The following ADGRB3 variants were observed in gnomAD, a reference collection of about 807,000 sequenced individuals.
ADGRB3 encodes the protein adhesion G protein-coupled receptor B3, also known as brain-specific angiogenesis inhibitor 3.
Under a neutral mutation model 193.4 loss-of-function variants are expected in ADGRB3, and 37 were observed. The ratio of observed to expected loss-of-function variants is 0.19; its 90% confidence interval spans 0.15 to 0.25. ADGRB3 has a LOEUF of 0.25. ADGRB3 is among the 10% of genes least tolerant of loss of function. The pLI is 1.00. For missense variants in ADGRB3, 1,637 were observed against 1,852.9 expected (o/e 0.88, Z 2.14); for synonymous variants, 690 against 644.2 (o/e 1.07, Z -1.08).
intron 8 of ADGRB3, among the ~76,000 whole-genome samples, chr6:68,968,704 CGTT>C (rs1424450315): frequency 3.9e-5 from 6 of 152,006 alleles, no homozygotes; most frequent in Admixed American, 2.6e-4. Flanking sequence ...ACGGACGAGT[CGTT>C]GTATCTAGAA....
At chr6:68,654,700 T>A (rs1768451348) in intron 3 of ADGRB3, among the ~76,000 whole-genome samples, 1 of 151,920 alleles carries the variant, frequency 6.6e-6, no homozygotes, top group African/African-American at 2.4e-5. Context: ...TGAGAATATA[T>A]TCCCTGTTAA....
chr6:69,168,764 T>C (rs1775195752), intron 17 of ADGRB3, among the ~76,000 whole-genome samples: 1 of 152,138 alleles, frequency 6.6e-6, no homozygotes, highest in South Asian at 2.1e-4. Context: ...ATTACTCATA[T>C]CATACCAAAT....
At chr6:68,841,258 A>G (rs1160067550) in intron 3 of ADGRB3, among the ~76,000 whole-genome samples, 2 of 152,194 alleles carry the variant, frequency 1.3e-5, no homozygotes, top group African/African-American at 2.4e-5. Flanking sequence ...TGGACCTAAT[A>G]GATATTTACA....
chr6:69,005,912 T>C (rs146138467), intron 11 of ADGRB3, among the ~76,000 whole-genome samples: 18 of 152,320 alleles, frequency 1.2e-4, no homozygotes, highest in African/African-American at 3.8e-4. Context: ...TCCTGTATTA[T>C]AATATTCTGC....
At position 68,960,101 on chromosome 6, in the gene ADGRB3, C is replaced by T. The variant is rs575797186; in HGVS notation, c.1525+3292C>T. ...TTCGTAGGAACCACTTTGCCCTGCT[C>T]CCAGGAGAAGGGCTTGCTACTTCTA... On this transcript the variant is annotated intron_variant, in intron 8 of 31. Transcript: ENST00000370598. 2.0e-5 allele frequency among the ~76,000 whole-genome samples: 3 copies of T among 152,240 alleles called. No homozygotes were observed. In the South Asian group the frequency reaches 6.2e-4, roughly 32 times the overall value.
intron 3 of ADGRB3, among the ~76,000 whole-genome samples, chr6:68,868,065 A>G (rs886535630): frequency 3.9e-5 from 6 of 152,146 alleles, no homozygotes; most frequent in Non-Finnish European, 8.8e-5. Context: ...AAATGTGAGA[A>G]GGACATGAGA....
chr6:68,863,816 T>A (rs553746072), intron 3 of ADGRB3, among the ~76,000 whole-genome samples: 71 of 152,262 alleles, frequency 4.7e-4, no homozygotes, highest in African/African-American at 1.6e-3. Context: ...AATCATGCCT[T>A]TCTTAAAAGG....
intron 17 of ADGRB3, among the ~76,000 whole-genome samples, chr6:69,213,322 C>G (rs1765707453): frequency 6.6e-6 from 1 of 152,148 alleles, no homozygotes; most frequent in Admixed American, 6.5e-5. Flanking sequence ...TTCCCTGGTT[C>G]CAAAGATGCT....
intron 17 of ADGRB3, among the ~76,000 whole-genome samples, chr6:69,192,188 T>A (rs1010518645): frequency 7.9e-5 from 12 of 152,154 alleles, no homozygotes; most frequent in Non-Finnish European, 2.9e-5. Context: ...GGAAGCCAGT[T>A]GGAGATCCGA....
intron 3 of ADGRB3, among the ~76,000 whole-genome samples, chr6:68,794,150 C>T (rs1351545005): frequency 2.6e-5 from 4 of 151,944 alleles, no homozygotes; most frequent in South Asian, 2.1e-4. Flanking sequence ...CATTGGAGCT[C>T]GTAGTAAATA....
chr6:69,209,780 A>T (rs1041129220), intron 17 of ADGRB3, among the ~76,000 whole-genome samples: 1 of 152,188 alleles, frequency 6.6e-6, no homozygotes, highest in Non-Finnish European at 1.5e-5. Flanking sequence ...TTGGTTCTCC[A>T]CATATGGTCA....
chr6:68,795,726 T>C (rs1241088406), intron 3 of ADGRB3, among the ~76,000 whole-genome samples: 1 of 152,140 alleles, frequency 6.6e-6, no homozygotes, highest in Non-Finnish European at 1.5e-5. Context: ...TGTTCATGAA[T>C]GGGATTGAAG....
chr6:69,297,410 C>CTCTCTATA (rs1554192101), intron 20 of ADGRB3, among the ~76,000 whole-genome samples: 17 of 128,296 alleles, frequency 1.3e-4, no homozygotes, highest in African/African-American at 5.1e-4. Context: ...CTCTCTCTCT[C>CTCTCTATA]TATATATATA....
chr6:68,882,358 A>T (rs1473735365), intron 3 of ADGRB3, among the ~76,000 whole-genome samples: 1 of 152,196 alleles, frequency 6.6e-6, no homozygotes, highest in African/African-American at 2.4e-5. Context: ...ATAACATTTA[A>T]ACCACAGGAT....
intron 6 of ADGRB3, among the ~76,000 whole-genome samples, chr6:68,955,451 CTT>C (rs1324789804): frequency 6.6e-6 from 1 of 152,184 alleles, no homozygotes; most frequent in Non-Finnish European, 1.5e-5. Flanking sequence ...TGTATTGCAT[CTT>C]TGAGTGATCA....
intron 3 of ADGRB3, among the ~76,000 whole-genome samples, chr6:68,738,619 A>G (rs1314235566): frequency 6.6e-6 from 1 of 152,202 alleles, no homozygotes; most frequent in Admixed American, 6.6e-5. Flanking sequence ...TTCCTAAAGT[A>G]TAAAATATGA....
chr6:68,918,661 C>T (rs938496860), intron 3 of ADGRB3, among the ~76,000 whole-genome samples: 1 of 152,150 alleles, frequency 6.6e-6, no homozygotes, highest in African/African-American at 2.4e-5. Flanking sequence ...TTCTTTGAGG[C>T]AGGGGTTGCA....
At chr6:69,160,320 C>T (rs571373188) in intron 17 of ADGRB3, among the ~76,000 whole-genome samples, 14 of 152,146 alleles carry the variant, frequency 9.2e-5, no homozygotes, top group Non-Finnish European at 2.1e-4. Flanking sequence ...TCATCTCTGC[C>T]CTCATGTGCT....
intron 15 of ADGRB3, among the ~76,000 whole-genome samples, chr6:69,058,257 T>G (rs1017865541): frequency 6.6e-6 from 1 of 151,980 alleles, no homozygotes; most frequent in Non-Finnish European, 1.5e-5. Flanking sequence ...CTTATGATAC[T>G]ATTTACTTCA....
Sources: gnomAD v4.1 joint callset for allele counts (sites outside exome capture counted in the v4.1 genomes callset) on GRCh38, gnomAD v4.1.1 for gene constraint, MANE v1.5 for transcripts, NCBI Gene and HGNC (gene_info 2026-07-23, HGNC 2026-07-21) for gene names.